CRTAP: variants seen among roughly 807,000 people sequenced by gnomAD.
CRTAP encodes the protein cartilage-associated protein.
Under a neutral mutation model 42.7 loss-of-function variants are expected in CRTAP, and 33 were observed. The ratio of observed to expected loss-of-function variants is 0.77; its 90% CI spans 0.59 to 1.03. The LOEUF is 1.03. Ranked by LOEUF, CRTAP falls within the 50% of genes least tolerant of loss-of-function variation. The pLI, the probability that CRTAP is intolerant of heterozygous loss-of-function variation, is 0.00. For synonymous variants in CRTAP, 243 were observed against 217.7 expected (o/e 1.12, Z -1.02); for missense variants, 613 against 533.9 (o/e 1.15, Z -1.46).
chr3:33,127,407 A>G (rs892118401), intron 3 of CRTAP, among the ~76,000 whole-genome samples: 1 of 151,858 alleles, frequency 6.6e-6, no homozygotes, highest in African/African-American at 2.4e-5. Flanking sequence ...CTCTCTCCAT[A>G]TGTGCTGTGG....
intron 6 of CRTAP, among the ~76,000 whole-genome samples, chr3:33,136,103 T>G (rs572417577): frequency 3.1e-3 from 470 of 152,342 alleles, no homozygotes; most frequent in Non-Finnish European, 5.6e-3. Context: ...ACTTTCTGTT[T>G]CTGTGGATTT....
rs137853936 is a variant in CRTAP at position 33,114,093 on chromosome 3, C to CG, written c.22dup (p.Ala8GlyfsTer153). 9 of 1,462,922 alleles carry CG rather than the reference C, an allele frequency of 6.2e-6. No individual in the cohort carries two copies. Among genetic ancestry groups the CG allele is most frequent in the South Asian group, 5.3e-5 (4 of 75,808 alleles). 90.6% of individuals were successfully genotyped at this position (1,462,922 alleles called of 1,614,324 possible). ...GCCGGGCGCGATGGAGCCGGGGCGC[C>CG]GGGGGGCCGCGGCGCTGCTAGCGCT... On this transcript the variant is annotated frameshift_variant, in exon 1 of 7. Transcript: ENST00000320954. LOFTEE classifies it high-confidence loss of function.
intron 3 of CRTAP, among the ~76,000 whole-genome samples, chr3:33,125,109 T>C (rs1433086771): frequency 1.3e-5 from 2 of 152,232 alleles, no homozygotes; most frequent in Non-Finnish European, 2.9e-5. Flanking sequence ...CCCAGATTTC[T>C]CTATAGTGCC....
rs2030625434 is a variant in CRTAP at position 33,143,100 on chromosome 3, G to T, written c.*652G>T. On this transcript the variant is annotated 3_prime_UTR_variant, in exon 7 of 7. Transcript: ENST00000320954. ...TTTGAAGGGCAGTCTTCTCTGGCTT[G>T]TTTTTTTGTTTTTCCCAGAAAATCA... The T allele has an allele frequency of 6.6e-6, 1 of 152,164 alleles. No individual in the cohort carries two copies. The highest frequency in any genetic ancestry group is 1.5e-5 in the Non-Finnish European group (1 of 68,026). The allele number at this position is 152,164 out of a possible 1,614,324, so 9.4% of individuals were successfully genotyped here.
At chr3:33,114,603 A>G (rs1701322887) in intron 1 of CRTAP, 55 bp downstream of exon 1, 1 of 1,513,112 alleles carries the variant, frequency 6.6e-7, no homozygotes, top group Admixed American at 2.0e-5. Context: ...CCCAGCCTCC[A>G]GGCCCTAGCC....
At chr3:33,141,644 A>G (rs1575521022) in intron 6 of CRTAP, among the ~76,000 whole-genome samples, 2 of 152,238 alleles carry the variant, frequency 1.3e-5, no homozygotes, top group South Asian at 4.1e-4. Flanking sequence ...AAGGGGCCTC[A>G]GCCTTGGTCA....
In CRTAP at chr3:33,143,150, C is replaced by T. The variant is rs2030627050; in HGVS notation, c.*702C>T. 6.6e-6 allele frequency: 1 copy of T among 152,196 alleles called. No individual in the cohort carries two copies. The highest frequency in any genetic ancestry group is 2.1e-4 in the South Asian group (1 of 4,832). 9.4% of individuals were successfully genotyped at this position (152,196 alleles called of 1,614,324 possible). The stretch of plus-strand genomic sequence containing the variant: ...AGTATTATTTTTTAAATAAGAAAAA[C>T]ATTCCTAGAAGATGATAATTGTGAA... On this transcript the variant is annotated 3_prime_UTR_variant, in exon 7 of 7. Transcript: ENST00000320954.
intron 6 of CRTAP, among the ~76,000 whole-genome samples, chr3:33,140,563 T>C (rs571797447): frequency 2.0e-5 from 3 of 152,358 alleles, no homozygotes; most frequent in East Asian, 1.9e-4. Flanking sequence ...GCTGCTGATA[T>C]GTGTGGCATT....
intron 4 of CRTAP, 126 bp downstream of exon 4, chr3:33,130,193 T>A: frequency 1.1e-6 from 1 of 950,262 alleles, no homozygotes. Context: ...CCTGGTGCTA[T>A]GCTTTGCACA....
chr3:33,139,541 A>G (rs2030516426), intron 6 of CRTAP, among the ~76,000 whole-genome samples: 1 of 142,286 alleles, frequency 7.0e-6, no homozygotes, highest in African/African-American at 2.7e-5. Flanking sequence ...CAGTGGTGTG[A>G]TCTCTGCTCA....
chr3:33,114,527 C>A lies in CRTAP; in HGVS notation c.450C>A (p.Phe150Leu). The change falls in exon 1 of 7, where the codon TTC (phenylalanine) becomes TTA (leucine). Residue 150 changes from phenylalanine (F) to leucine (L), a missense_variant. By Grantham distance (22) the Phe-to-Leu change is conservative. Coordinates refer to ENST00000320954, the MANE Select transcript of CRTAP (RefSeq NM_006371.5). ...ADFQRREPYK[F>L]LQFAYFKANN... ...TCCAGCGCCGCGAGCCCTACAAGTT[C>A]CTGCAGTTCGCTTACTTCAAGGCAA... The A allele has an allele frequency of 1.9e-6, 3 of 1,603,052 alleles. No individual in the cohort carries two copies. The highest frequency in any genetic ancestry group is 1.7e-6 in the Non-Finnish European group (2 of 1,176,646).
At chr3:33,124,675 C>A in intron 3 of CRTAP, 96 bp downstream of exon 3, 1 of 1,452,176 alleles carries the variant, frequency 6.9e-7, no homozygotes, top group Non-Finnish European at 9.6e-7. Context: ...CTGGAGCAGC[C>A]TCTGAGGAAT....
In CRTAP at chr3:33,142,041, C is replaced by T. The variant is rs187896399; in HGVS notation, c.1153-354C>T. Among the ~76,000 whole-genome samples the T allele has an allele frequency of 8.7e-4, 133 of 152,268 alleles. 1 individual carries two copies. Among genetic ancestry groups the T allele is most frequent in the Admixed American group, 8.6e-3 (132 of 15,296 alleles). ...TCTGGTGGTCAAGGCAGAAAGGGAA[C>T]AGATAGAAAATGTTCCTGTGGGAGA... On this transcript the variant is annotated intron_variant, in intron 6 of 6. Transcript: ENST00000320954.
At chr3:33,117,493 AT>A (rs2125597415) in intron 1 of CRTAP, among the ~76,000 whole-genome samples, 1 of 152,308 alleles carries the variant, frequency 6.6e-6, no homozygotes, top group East Asian at 1.9e-4. Flanking sequence ...TCTCTCCACA[AT>A]TACCATCTTC....
At chr3:33,129,561 G>A (rs540156289) in intron 3 of CRTAP, among the ~76,000 whole-genome samples, 4 of 126,950 alleles carry the variant, frequency 3.2e-5, no homozygotes, top group South Asian at 5.0e-4. Context: ...TTTTGGAGAC[G>A]GAGTCTTGCT....
chr3:33,121,258 A>C (rs912476172), intron 2 of CRTAP, among the ~76,000 whole-genome samples: 2 of 152,060 alleles, frequency 1.3e-5, no homozygotes, highest in Non-Finnish European at 2.9e-5. Context: ...AAAATACAAA[A>C]ATTAGCTGGG....
intron 4 of CRTAP, among the ~76,000 whole-genome samples, chr3:33,131,823 T>C (rs775720697): frequency 2.0e-5 from 3 of 152,122 alleles, no homozygotes; most frequent in Non-Finnish European, 4.4e-5. Flanking sequence ...ACCCAAGCTT[T>C]GGCTTCTCCG....
chr3:33,124,695 TAC>T, intron 3 of CRTAP, 116 bp downstream of exon 3: 1 of 1,249,502 alleles, frequency 8.0e-7, no homozygotes, highest in Non-Finnish European at 1.2e-6. Flanking sequence ...TTTTTGAGCA[TAC>T]TTATTAACGG....
In CRTAP at chr3:33,123,753, G is replaced by A. The variant is rs139033028; in HGVS notation, c.622-655G>A. Among the ~76,000 whole-genome samples the A allele has an allele frequency of 2.2e-3, 337 of 150,316 alleles. 1 individual carries two copies. Among genetic ancestry groups the A allele is most frequent in the African/African-American group, 8.0e-3 (326 of 40,722 alleles). On this transcript the variant is annotated intron_variant, in intron 2 of 6. Transcript: ENST00000320954. Reference sequence around the variant, plus strand: ...CAAGTGATTCTTGTGCCTCAGCCTCGTGAGTAGCTGGGACTACAAGCATGT... The same window carrying A: ...CAAGTGATTCTTGTGCCTCAGCCTCATGAGTAGCTGGGACTACAAGCATGT...
Sources: allele counts gnomAD v4.1 joint callset (sites outside exome capture counted in the v4.1 genomes callset), GRCh38; gene constraint gnomAD v4.1.1; transcripts MANE v1.5; gene names NCBI Gene and HGNC (gene_info 2026-07-23, HGNC 2026-07-21).